The following RTN1 variants were observed in gnomAD, a reference collection of about 807,000 sequenced individuals.
The protein encoded by RTN1 is reticulon 1.
RTN1 carries 25 observed loss-of-function variants against 65.5 expected under a neutral mutation model. The observed-to-expected ratio is 0.38, with a 90% confidence interval of 0.28 to 0.53. The LOEUF is 0.53. Ranked by LOEUF, RTN1 falls within the 20% of genes least tolerant of loss-of-function variation. The pLI, the probability that RTN1 is intolerant of heterozygous loss-of-function variation, is 0.79. For synonymous variants in RTN1, 471 were observed against 447.6 expected, an observed-to-expected ratio of 1.05 and a Z score of -0.66; for missense variants, 983 against 1,025.4, an observed-to-expected ratio of 0.96 and a Z score of 0.57.
At chr14:59,681,742 C>A (rs866500993) in intron 3 of RTN1, among the ~76,000 whole-genome samples, 1 of 152,152 alleles carries the variant, frequency 6.6e-6, no homozygotes, top group Non-Finnish European at 1.5e-5. Context: ...CTTCTCAGAT[C>A]GTGTTCCACT....
intron 1 of RTN1, among the ~76,000 whole-genome samples, chr14:59,862,432 A>G (rs538101087): frequency 8.5e-5 from 13 of 152,228 alleles, no homozygotes; most frequent in Admixed American, 2.0e-4. Flanking sequence ...ACTGCTTCTC[A>G]GTAATAGTAC....
intron 3 of RTN1, among the ~76,000 whole-genome samples, chr14:59,684,791 G>A (rs765912952): frequency 1.6e-4 from 24 of 151,940 alleles, no homozygotes; most frequent in Non-Finnish European, 2.8e-4. Context: ...ATAATAGTTT[G>A]GGTGGGTATA....
chr14:59,807,310 G>A (rs1439138757), intron 1 of RTN1, among the ~76,000 whole-genome samples: 4 of 152,230 alleles, frequency 2.6e-5, no homozygotes, highest in South Asian at 4.1e-4. Context: ...TCTATAGGTC[G>A]GTCTAGAACT....
intron 1 of RTN1, among the ~76,000 whole-genome samples, chr14:59,847,572 A>T (rs1887432131): frequency 6.6e-6 from 1 of 152,236 alleles, no homozygotes; most frequent in Admixed American, 6.5e-5. Context: ...AATATTTAAA[A>T]TGTGTGTCAT....
intron 8 of RTN1, among the ~76,000 whole-genome samples, chr14:59,598,193 G>C (rs1266230424): frequency 6.6e-6 from 1 of 152,048 alleles, no homozygotes; most frequent in Non-Finnish European, 1.5e-5. Flanking sequence ...ATGAAGAGAG[G>C]GGAACAGTCT....
chr14:59,797,563 A>T (rs1180820118), intron 1 of RTN1, among the ~76,000 whole-genome samples: 1 of 152,224 alleles, frequency 6.6e-6, no homozygotes. Context: ...GCTTCTCAGC[A>T]TAGTCAAAGA....
At chr14:59,748,210 GTTT>G (rs67657505) in intron 1 of RTN1, among the ~76,000 whole-genome samples, 13 of 125,980 alleles carry the variant, frequency 1.0e-4, no homozygotes, top group African/African-American at 3.5e-4. Flanking sequence ...AGTCTGTGAG[GTTT>G]TTTTTTTTTT....
chr14:59,796,723 A>C (rs1438776029), intron 1 of RTN1, among the ~76,000 whole-genome samples: 2 of 152,194 alleles, frequency 1.3e-5, no homozygotes, highest in Non-Finnish European at 2.9e-5. Context: ...TATTGTGAAG[A>C]CAGTTTACCC....
intron 3 of RTN1, among the ~76,000 whole-genome samples, chr14:59,725,322 G>A (rs1458458451): frequency 1.3e-5 from 2 of 152,184 alleles, no homozygotes; most frequent in Non-Finnish European, 2.9e-5. Flanking sequence ...GACTATCTCA[G>A]GAACATTAGT....
intron 1 of RTN1, among the ~76,000 whole-genome samples, chr14:59,815,012 T>C (rs1886795246): frequency 6.6e-6 from 1 of 152,246 alleles, no homozygotes; most frequent in Non-Finnish European, 1.5e-5. Flanking sequence ...GTGTTCAAGC[T>C]ATTTTATATT....
At chr14:59,820,233 T>TG in intron 1 of RTN1, among the ~76,000 whole-genome samples, 1 of 151,900 alleles carries the variant, frequency 6.6e-6, no homozygotes, top group East Asian at 1.9e-4. Flanking sequence ...TACTTTTTAA[T>TG]GGGGTTTTTT....
At chr14:59,771,752 T>C (rs1481078790) in intron 1 of RTN1, among the ~76,000 whole-genome samples, 1 of 152,238 alleles carries the variant, frequency 6.6e-6, no homozygotes, top group Non-Finnish European at 1.5e-5. Flanking sequence ...AAGTGCTTCA[T>C]GTTCAATTAT....
Position 59,603,930 on chromosome 14 carries a change from C to A in RTN1, c.2113-9G>T. 2.5e-6 allele frequency: 4 copies of A among 1,609,100 alleles called. No individual in the cohort carries two copies. The highest frequency in any genetic ancestry group is 3.4e-6 in the Non-Finnish European group (4 of 1,176,364). ...CACATCAGGACTGCAAACTGAAGAACGAAAGCATTATTAGAGCTCCTAAAA... is the reference window on the plus strand; with the variant it reads ...CACATCAGGACTGCAAACTGAAGAAAGAAAGCATTATTAGAGCTCCTAAAA... On this transcript the variant is annotated splice_polypyrimidine_tract_variant and intron_variant, in intron 5 of 8. Transcript: ENST00000267484.
At chr14:59,824,366 G>T (rs1040980532) in intron 1 of RTN1, among the ~76,000 whole-genome samples, 21 of 152,098 alleles carry the variant, frequency 1.4e-4, no homozygotes, top group Admixed American at 3.3e-4. Context: ...TGTGAAAGAG[G>T]GTCTGTGGAC....
At chr14:59,688,308 A>G (rs1044306407) in intron 3 of RTN1, among the ~76,000 whole-genome samples, 57 of 152,088 alleles carry the variant, frequency 3.7e-4, no homozygotes, top group African/African-American at 1.3e-3. Flanking sequence ...GCCACTCCCC[A>G]CCACCATGCA....
rs1412356580 is a variant in RTN1 at position 59,803,551 on chromosome 14, G to T, written c.242-57070C>A. On this transcript the variant is annotated intron_variant, in intron 1 of 8. Coordinates refer to ENST00000267484, the MANE Select transcript of RTN1 (RefSeq NM_021136.3). The surrounding 1 kb of genome is among the most constrained non-coding windows in gnomAD (Gnocchi z 5.6). ...CTTGTCTCCCATATAATTCAGAGGG[G>T]TGTGAGATCTCCCAGAATTTTCCTA... 6.6e-6 allele frequency among the ~76,000 whole-genome samples: 1 copy of T among 152,150 alleles called. No individual in the cohort carries two copies. The highest frequency in any genetic ancestry group is 1.5e-5 in the Non-Finnish European group (1 of 68,036).
At chr14:59,717,277 T>C (rs1453300978) in intron 3 of RTN1, among the ~76,000 whole-genome samples, 1 of 152,034 alleles carries the variant, frequency 6.6e-6, no homozygotes, top group Non-Finnish European at 1.5e-5. Context: ...CAGCCAAGAG[T>C]TGTAAGAAAA....
intron 1 of RTN1, among the ~76,000 whole-genome samples, chr14:59,822,245 G>T (rs1365271488): frequency 6.6e-6 from 1 of 152,098 alleles, no homozygotes; most frequent in Non-Finnish European, 1.5e-5. Flanking sequence ...TTGGGAGGTT[G>T]TATGTTTCCA....
intron 1 of RTN1, among the ~76,000 whole-genome samples, chr14:59,787,538 C>T (rs1471039157): frequency 1.3e-5 from 2 of 152,330 alleles, no homozygotes; most frequent in East Asian, 1.9e-4. Flanking sequence ...AAGTGCAGGC[C>T]TGATCTCTGT....
Sources: allele counts gnomAD v4.1 joint callset (sites outside exome capture counted in the v4.1 genomes callset), GRCh38; gene constraint gnomAD v4.1.1; non-coding constraint Gnocchi (gnomAD v3.1); transcripts MANE v1.5; gene names NCBI Gene and HGNC (gene_info 2026-07-23, HGNC 2026-07-21).